TBC1D5: variants seen among roughly 807,000 people sequenced by gnomAD.
TBC1D5 encodes the protein TBC1 domain family member 5.
A neutral mutation model predicts 100.3 loss-of-function variants in TBC1D5; 75 were observed. The observed-to-expected ratio is 0.75, with a 90% CI of 0.62 to 0.91. The LOEUF is 0.91. Among genes scored for constraint, TBC1D5 ranks in the 40% least tolerant of loss-of-function variants. TBC1D5 has a pLI of 0.00. For synonymous variants in TBC1D5, 323 were observed against 325.6 expected, an observed-to-expected ratio of 0.99 and a Z score of 0.09; for missense variants, 910 against 942.4, an observed-to-expected ratio of 0.97 and a Z score of 0.45.
intron 19 of TBC1D5, chr3:17,184,824 T>C (rs2068829919): frequency 5.2e-6 from 1 of 192,238 alleles, no homozygotes; most frequent in East Asian, 1.1e-4. Context: ...ATTACAGCTG[T>C]GAGCCACGGC....
At chr3:17,613,223 G>A (rs917566818) in intron 2 of TBC1D5, among the ~76,000 whole-genome samples, 1 of 152,092 alleles carries the variant, frequency 6.6e-6, no homozygotes, top group Non-Finnish European at 1.5e-5. Context: ...ACTCATCATT[G>A]TTTATGGCTG....
intron 18 of TBC1D5, among the ~76,000 whole-genome samples, chr3:17,192,567 T>C (rs760456937): frequency 3.3e-5 from 5 of 152,110 alleles, no homozygotes; most frequent in Admixed American, 2.0e-4. Flanking sequence ...CCCCAGTAAA[T>C]AGCAGTTCCC....
intron 1 of TBC1D5, among the ~76,000 whole-genome samples, chr3:17,684,078 T>C (rs891915324): frequency 1.3e-5 from 2 of 152,040 alleles, no homozygotes; most frequent in Non-Finnish European, 2.9e-5. Context: ...AGGAAGCTTT[T>C]TTTTCTTTCT....
At chr3:17,299,547 G>A (rs942710395) in intron 14 of TBC1D5, among the ~76,000 whole-genome samples, 4 of 152,024 alleles carry the variant, frequency 2.6e-5, no homozygotes, top group Admixed American at 2.0e-4. Flanking sequence ...ATCAATGCAG[G>A]TTTATCAAGT....
At chr3:17,735,681 T>C (rs1236862510) in intron 1 of TBC1D5, among the ~76,000 whole-genome samples, 1 of 152,212 alleles carries the variant, frequency 6.6e-6, no homozygotes, top group East Asian at 1.9e-4. Context: ...CCCAGGCATT[T>C]AGCCATGCAA....
intron 19 of TBC1D5, among the ~76,000 whole-genome samples, chr3:17,169,694 C>T (rs183131790): frequency 6.6e-6 from 1 of 152,104 alleles, no homozygotes; most frequent in Admixed American, 6.5e-5. Flanking sequence ...ATAAAAAAAA[C>T]AAAAAACAAA....
At chr3:17,212,823 TAA>T (rs1248513874) in intron 18 of TBC1D5, among the ~76,000 whole-genome samples, 2 of 152,150 alleles carry the variant, frequency 1.3e-5, no homozygotes, top group African/African-American at 4.8e-5. Flanking sequence ...TGTTTTGAGC[TAA>T]GTGTTATTAC....
chr3:17,569,773 A>G (rs1008947792), intron 2 of TBC1D5, among the ~76,000 whole-genome samples: 1 of 151,348 alleles, frequency 6.6e-6, no homozygotes, highest in African/African-American at 2.4e-5. Flanking sequence ...ATATATTTAT[A>G]TATTTGTAAA....
chr3:17,515,899 A>T (rs1006989658), intron 2 of TBC1D5, among the ~76,000 whole-genome samples: 3 of 152,188 alleles, frequency 2.0e-5, no homozygotes. Flanking sequence ...ATCACACTTG[A>T]TCTTTGGAAT....
At chr3:17,449,239 C>A (rs1249466910) in intron 3 of TBC1D5, among the ~76,000 whole-genome samples, 4 of 152,176 alleles carry the variant, frequency 2.6e-5, no homozygotes, top group Non-Finnish European at 5.9e-5. Flanking sequence ...TTTTTGCAAC[C>A]TGCAGACCAG....
intron 2 of TBC1D5, among the ~76,000 whole-genome samples, chr3:17,591,233 CAAAAAAAAA>C (rs60889092): frequency 0.031 from 581 of 18,634 alleles, 2 homozygotes; most frequent in African/African-American, 0.047. Context: ...AAGGATCTGT[CAAAAAAAAA>C]AAAAAAAAAA....
At chr3:17,659,724 A>C (rs986927007) in intron 1 of TBC1D5, among the ~76,000 whole-genome samples, 45 of 152,234 alleles carry the variant, frequency 3.0e-4, no homozygotes, top group East Asian at 1.7e-3. Context: ...CCTCAAACTT[A>C]CATTTGCTCC....
At chr3:17,296,228 A>G (rs1168325737) in intron 14 of TBC1D5, among the ~76,000 whole-genome samples, 1 of 152,266 alleles carries the variant, frequency 6.6e-6, no homozygotes, top group Non-Finnish European at 1.5e-5. Context: ...AACAAAAAAG[A>G]AAACCTTCTT....
At chr3:17,278,838 G>A (rs898618826) in intron 15 of TBC1D5, among the ~76,000 whole-genome samples, 8 of 152,150 alleles carry the variant, frequency 5.3e-5, no homozygotes, top group Admixed American at 1.3e-4. Context: ...GTGTTTCTGT[G>A]TTTAAAACAA....
At chr3:17,398,353 A>G (rs559543744) in intron 8 of TBC1D5, among the ~76,000 whole-genome samples, 1 of 152,298 alleles carries the variant, frequency 6.6e-6, no homozygotes, top group East Asian at 1.9e-4. Context: ...AATTGGCTGA[A>G]GAGGAAGATA....
intron 13 of TBC1D5, among the ~76,000 whole-genome samples, chr3:17,332,124 C>T (rs978022078): frequency 6.6e-6 from 1 of 152,126 alleles, no homozygotes; most frequent in Admixed American, 6.6e-5. Flanking sequence ...TCGGGGGCAT[C>T]TGTAATAGTT....
intron 1 of TBC1D5, among the ~76,000 whole-genome samples, chr3:17,730,293 C>A (rs1024812765): frequency 3.3e-5 from 5 of 152,186 alleles, no homozygotes; most frequent in African/African-American, 1.2e-4. Context: ...GAGTTTAATT[C>A]TCTTCCTCTT....
intron 2 of TBC1D5, among the ~76,000 whole-genome samples, chr3:17,547,298 G>C (rs993873124): frequency 6.6e-6 from 1 of 152,032 alleles, no homozygotes; most frequent in African/African-American, 2.4e-5. Flanking sequence ...GTTTTAAAAT[G>C]AATCTTCTCA....
intron 17 of TBC1D5, among the ~76,000 whole-genome samples, chr3:17,230,431 C>T (rs979084457): frequency 5.9e-5 from 9 of 151,998 alleles, no homozygotes; most frequent in African/African-American, 2.2e-4. Context: ...AATGGTTACC[C>T]TTGGGGAAAT....
Sources: allele counts gnomAD v4.1 joint callset (sites outside exome capture counted in the v4.1 genomes callset), GRCh38; gene constraint gnomAD v4.1.1; transcripts MANE v1.5; gene names NCBI Gene and HGNC (gene_info 2026-07-23, HGNC 2026-07-21).